Variants in SNX25 observed in about 807,000 individuals in gnomAD.
SNX25 encodes the protein sorting nexin-25.
In SNX25, 62 loss-of-function variants were observed where a neutral mutation model predicts 113.7. That is an observed-to-expected ratio of 0.55 (90% CI 0.44 to 0.67). SNX25 has a LOEUF of 0.67. Among genes scored for constraint, SNX25 ranks in the 30% least tolerant of loss-of-function variants. The pLI is 0.00. For synonymous variants in SNX25, 421 were observed against 436.2 expected (o/e 0.97, Z 0.43); for missense variants, 1,014 against 1,161.0 (o/e 0.87, Z 1.84).
At chr4:185,254,807 A>C in intron 2 of SNX25, among the ~76,000 whole-genome samples, 1 of 152,160 alleles carries the variant, frequency 6.6e-6, no homozygotes, top group East Asian at 1.9e-4. Context: ...CTTGAATGAT[A>C]ATAGCACCTG....
At chr4:185,213,832 C>CG in intron 1 of SNX25, among the ~76,000 whole-genome samples, 1 of 152,232 alleles carries the variant, frequency 6.6e-6, no homozygotes, top group East Asian at 1.9e-4. Context: ...CCATTTCTTA[C>CG]GTTTTGATGG....
At chr4:185,262,084 G>C (rs891624032) in intron 3 of SNX25, among the ~76,000 whole-genome samples, 1 of 151,324 alleles carries the variant, frequency 6.6e-6, no homozygotes, top group African/African-American at 2.4e-5. Flanking sequence ...ATCTCTAGTG[G>C]CTGCAGAATG....
intron 1 of SNX25, among the ~76,000 whole-genome samples, chr4:185,240,980 C>T (rs1178987984): frequency 1.5e-4 from 23 of 150,544 alleles, no homozygotes; most frequent in African/African-American, 5.1e-4. Context: ...CAGAGACGCT[C>T]CTCACTTTCC....
At chr4:185,239,208 G>A (rs139951362) in intron 1 of SNX25, among the ~76,000 whole-genome samples, 373 of 152,136 alleles carry the variant, frequency 2.5e-3, no homozygotes, top group Admixed American at 4.4e-3. Flanking sequence ...TCTGCCAGGC[G>A]CGGTGGCTCA....
intron 1 of SNX25, among the ~76,000 whole-genome samples, chr4:185,212,573 G>T (rs1348306272): frequency 6.7e-6 from 1 of 149,408 alleles, no homozygotes; most frequent in Non-Finnish European, 1.5e-5. Context: ...TAGAGACAGG[G>T]TCCTCAAGTG....
chr4:185,360,927 A>T (rs1331000377), intron 16 of SNX25, among the ~76,000 whole-genome samples: 4 of 127,158 alleles, frequency 3.1e-5, no homozygotes, highest in Non-Finnish European at 6.3e-5. Context: ...TCAAAAAAAA[A>T]ATAATATATA....
At chr4:185,315,236 AG>A (rs201577328) in intron 7 of SNX25, among the ~76,000 whole-genome samples, 48,273 of 144,260 alleles carry the variant, frequency 0.33, 8,586 homozygotes, top group East Asian at 0.47. Context: ...TCAAAAAAAA[AG>A]AAAAGAAAAG....
intron 6 of SNX25, among the ~76,000 whole-genome samples, chr4:185,291,102 T>C (rs928246365): frequency 3.9e-5 from 6 of 152,218 alleles, no homozygotes; most frequent in African/African-American, 1.4e-4. Flanking sequence ...AAGTGTGACA[T>C]GACCTCTGTT....
At chr4:185,290,934 C>T (rs537278808) in intron 6 of SNX25, among the ~76,000 whole-genome samples, 11 of 152,096 alleles carry the variant, frequency 7.2e-5, no homozygotes, top group Non-Finnish European at 1.0e-4. Context: ...CAGTTACGAA[C>T]GTGGTCAGGA....
intron 11 of SNX25, 83 bp from the exon 12 acceptor site, chr4:185,341,893 C>G: frequency 6.9e-7 from 1 of 1,455,476 alleles, no homozygotes; most frequent in Non-Finnish European, 9.2e-7. Context: ...AGGGAAATCT[C>G]CTTAGGGGGA....
At chr4:185,215,335 C>T (rs1051823892) in intron 1 of SNX25, among the ~76,000 whole-genome samples, 4 of 152,310 alleles carry the variant, frequency 2.6e-5, no homozygotes, top group African/African-American at 9.6e-5. Context: ...CTGCCCTCTC[C>T]GGCCCAGTAG....
chr4:185,265,804 C>G (rs923245147), intron 4 of SNX25, among the ~76,000 whole-genome samples: 3 of 151,960 alleles, frequency 2.0e-5, no homozygotes, highest in Non-Finnish European at 2.9e-5. Flanking sequence ...CAATAGGTTT[C>G]TTTACACTAG....
chr4:185,371,087 A>G (rs375988184), downstream of SNX25: 40 of 323,522 alleles, frequency 1.2e-4, no homozygotes, highest in East Asian at 9.6e-4. Flanking sequence ...TTTTCTTCTA[A>G]TATTACTACT....
At chr4:185,320,367 AAC>A (rs1038769703) in intron 7 of SNX25, among the ~76,000 whole-genome samples, 4 of 152,180 alleles carry the variant, frequency 2.6e-5, no homozygotes, top group African/African-American at 9.7e-5. Context: ...TCAGCAAACT[AAC>A]ACAGGAACAG....
intron 12 of SNX25, among the ~76,000 whole-genome samples, chr4:185,344,635 T>TAAGGAGG (rs113610112): frequency 0.1 from 15,417 of 151,980 alleles, 1,243 homozygotes; most frequent in African/African-American, 0.23. Flanking sequence ...ATCTTGAGAT[T>TAAGGAGG]AAGGAGGAAG....
intron 11 of SNX25, among the ~76,000 whole-genome samples, chr4:185,340,553 G>C (rs1035223897): frequency 2.0e-5 from 3 of 152,190 alleles, no homozygotes; most frequent in African/African-American, 7.2e-5. Context: ...AGTAACTGCA[G>C]ATAGTTACTG....
At chr4:185,331,965 G>T (rs889675921) in intron 9 of SNX25, among the ~76,000 whole-genome samples, 1 of 152,212 alleles carries the variant, frequency 6.6e-6, no homozygotes, top group African/African-American at 2.4e-5. Flanking sequence ...GCAGTGCCCT[G>T]CATTGCTGTT....
At chr4:185,287,486 T>C (rs1389337946) in intron 5 of SNX25, among the ~76,000 whole-genome samples, 2 of 152,208 alleles carry the variant, frequency 1.3e-5, no homozygotes, top group Non-Finnish European at 1.5e-5. Context: ...GACGGCACCA[T>C]CCAGTAGAAC....
chr4:185,335,390 A>G (rs1415304934), intron 10 of SNX25, among the ~76,000 whole-genome samples: 1 of 152,104 alleles, frequency 6.6e-6, no homozygotes, highest in Non-Finnish European at 1.5e-5. Context: ...ATTGATGTTG[A>G]AAAAGGTTTT....
Sources: allele counts gnomAD v4.1 joint callset (sites outside exome capture counted in the v4.1 genomes callset), GRCh38; gene constraint gnomAD v4.1.1; transcripts MANE v1.5; gene names NCBI Gene and HGNC (gene_info 2026-07-23, HGNC 2026-07-21).